HECW2: variants seen among roughly 807,000 people sequenced by gnomAD.
HECW2 encodes HECT, C2 and WW domain containing E3 ubiquitin protein ligase 2.
A neutral mutation model predicts 175.2 loss-of-function variants in HECW2; 61 were observed. The observed-to-expected ratio is 0.35, with a 90% CI of 0.28 to 0.43. The LOEUF is 0.43. HECW2 is among the 20% of genes least tolerant of loss of function. The probability of loss-of-function intolerance (pLI) is 1.00; values close to 1 mark genes in which losing one functional copy is unlikely to be tolerated. For missense variants in HECW2, 1,524 were observed against 2,000.5 expected (o/e 0.76, Z 4.54); for synonymous variants, 671 against 731.0 (o/e 0.92, Z 1.32).
At chr2:196,480,282 G>A (rs963563560) in intron 1 of HECW2, among the ~76,000 whole-genome samples, 1 of 152,078 alleles carries the variant, frequency 6.6e-6, no homozygotes, top group African/African-American at 2.4e-5. Flanking sequence ...TCCACACACA[G>A]TTTATACTTG....
chr2:196,383,386 T>C lies in HECW2; in HGVS notation c.293-39622A>G, dbSNP rs1414887807. 2.6e-5 allele frequency among the ~76,000 whole-genome samples: 4 copies of C among 152,214 alleles called. No homozygotes were observed. In the East Asian group the frequency reaches 5.8e-4, roughly 22 times the overall value. On this transcript the variant is annotated intron_variant, in intron 2 of 28. Transcript: ENST00000644978. Reference sequence around the variant, plus strand: ...GATTGGGGATGTAAGTGTATAGGTATTGGCTGAATCCATGGAAACAGATGA... The same window carrying C: ...GATTGGGGATGTAAGTGTATAGGTACTGGCTGAATCCATGGAAACAGATGA...
intron 22 of HECW2, among the ~76,000 whole-genome samples, chr2:196,226,358 G>A (rs1687850604): frequency 6.6e-6 from 1 of 152,138 alleles, no homozygotes; most frequent in Admixed American, 6.6e-5. Flanking sequence ...TGGGTGCTAT[G>A]CTTCCTGTAC....
chr2:196,526,454 G>A (rs1034749556), intron 1 of HECW2, among the ~76,000 whole-genome samples: 26 of 151,308 alleles, frequency 1.7e-4, no homozygotes, highest in African/African-American at 3.7e-4. Context: ...TAATTTGATC[G>A]TCTGAAGCCT....
At chr2:196,390,048 C>G (rs1474466609) in intron 2 of HECW2, among the ~76,000 whole-genome samples, 1 of 152,082 alleles carries the variant, frequency 6.6e-6, no homozygotes, top group Non-Finnish European at 1.5e-5. Flanking sequence ...TATTTAGTAC[C>G]TTCTCAATGT....
At chr2:196,474,354 T>A (rs1697333783) in intron 1 of HECW2, among the ~76,000 whole-genome samples, 2 of 152,234 alleles carry the variant, frequency 1.3e-5, no homozygotes, top group Non-Finnish European at 2.9e-5. Context: ...CCAGCTACCA[T>A]AATGGCTTGC....
intron 15 of HECW2, among the ~76,000 whole-genome samples, chr2:196,275,571 G>C (rs1253997760): frequency 1.3e-5 from 2 of 152,104 alleles, no homozygotes; most frequent in African/African-American, 4.8e-5. Context: ...GGCCAACATG[G>C]TGAAACCCCA....
intron 1 of HECW2, among the ~76,000 whole-genome samples, chr2:196,437,377 T>C (rs894216323): frequency 1.3e-5 from 2 of 151,902 alleles, no homozygotes; most frequent in Non-Finnish European, 2.9e-5. Flanking sequence ...TTTGGGAGGC[T>C]GAGGCAGTCA....
intron 1 of HECW2, among the ~76,000 whole-genome samples, chr2:196,483,094 T>TTAAA (rs1686896580): frequency 9.1e-6 from 1 of 110,436 alleles, no homozygotes; most frequent in African/African-American, 3.2e-5. Flanking sequence ...TTCATAGTTG[T>TTAAA]AAAAAAAAAA....
At chr2:196,250,338 T>A (rs1262189258) in intron 19 of HECW2, among the ~76,000 whole-genome samples, 1 of 152,178 alleles carries the variant, frequency 6.6e-6, no homozygotes, top group Non-Finnish European at 1.5e-5. Context: ...TTGTTAATGG[T>A]TCAAATGTGA....
intron 1 of HECW2, among the ~76,000 whole-genome samples, chr2:196,536,798 T>C (rs1295534133): frequency 6.6e-6 from 1 of 152,144 alleles, no homozygotes; most frequent in African/African-American, 2.4e-5. Flanking sequence ...AAACTGAGCA[T>C]CAATACACCA....
At chr2:196,537,406 C>G (rs1049753406) in intron 1 of HECW2, among the ~76,000 whole-genome samples, 41 of 152,184 alleles carry the variant, frequency 2.7e-4, no homozygotes, top group African/African-American at 9.4e-4. Flanking sequence ...ACATTCAAAA[C>G]GTTTCCAATT....
chr2:196,475,569 T>C (rs183442650), intron 1 of HECW2, among the ~76,000 whole-genome samples: 65 of 152,350 alleles, frequency 4.3e-4, no homozygotes, highest in African/African-American at 1.4e-3. Flanking sequence ...TTTCTCTGCA[T>C]GATCCCCACT....
intron 21 of HECW2, among the ~76,000 whole-genome samples, chr2:196,229,210 G>C (rs921174791): frequency 2.0e-5 from 3 of 151,994 alleles, no homozygotes; most frequent in Admixed American, 1.3e-4. Context: ...GGTGGAGGAG[G>C]GATTGTGAAA....
chr2:196,343,911 G>T, intron 2 of HECW2, 147 bp from the exon 3 acceptor site: 1 of 579,926 alleles, frequency 1.7e-6, no homozygotes, highest in Non-Finnish European at 3.0e-6. Context: ...TCCCAGCAGA[G>T]TATTACCCGA....
chr2:196,209,620 G>T (rs1318142848), intron 28 of HECW2, among the ~76,000 whole-genome samples: 1 of 152,148 alleles, frequency 6.6e-6, no homozygotes, highest in Admixed American at 6.6e-5. Context: ...TCTCCCACAC[G>T]AAAAGCCACA....
chr2:196,397,021 GAGA>G (rs371628366), intron 2 of HECW2, among the ~76,000 whole-genome samples: 17 of 152,290 alleles, frequency 1.1e-4, no homozygotes, highest in African/African-American at 3.6e-4. Context: ...GCTGAGGCAG[GAGA>G]AGGAGTGAAC....
At chr2:196,459,915 TGC>T (rs879428779) in intron 1 of HECW2, among the ~76,000 whole-genome samples, 6 of 152,166 alleles carry the variant, frequency 3.9e-5, no homozygotes, top group Admixed American at 3.9e-4. Flanking sequence ...CAGCTGTGCA[TGC>T]GCATGTTTCT....
rs529807549 is a variant in HECW2 at position 196,514,190 on chromosome 2, T to C, written c.-36+79318A>G. 1.1e-4 allele frequency among the ~76,000 whole-genome samples: 17 copies of C among 152,336 alleles called. No individual in the cohort carries two copies. The South Asian group carries it at 3.5e-3, about 32-fold the overall frequency. ...CTGCCCGGCCTCTCCCTGCTTCTAG[T>C]GCCCACTCCAATTTCAGAGCAAAGT... On this transcript the variant is annotated intron_variant, in intron 1 of 28. Coordinates refer to ENST00000644978, the MANE Select transcript of HECW2 (RefSeq NM_001348768.2).
intron 14 of HECW2, chr2:196,289,794 GAGAC>G (rs1178662114): frequency 6.6e-6 from 1 of 152,116 alleles, no homozygotes; most frequent in Non-Finnish European, 1.5e-5. Flanking sequence ...CATAAGACAG[GAGAC>G]AGGACTCCTA....
Sources: allele counts gnomAD v4.1 joint callset (sites outside exome capture counted in the v4.1 genomes callset), GRCh38; gene constraint gnomAD v4.1.1; transcripts MANE v1.5; gene names NCBI Gene and HGNC (gene_info 2026-07-23, HGNC 2026-07-21).